Variants in GRM7 observed in about 807,000 individuals in gnomAD.
GRM7 encodes the protein metabotropic glutamate receptor 7.
In GRM7, 35 loss-of-function variants were observed where a neutral mutation model predicts 84.5. The observed-to-expected ratio is 0.41, with a 90% CI of 0.32 to 0.55. GRM7 has a LOEUF of 0.55. Among genes scored for constraint, GRM7 ranks in the 20% least tolerant of loss-of-function variants. GRM7 has a pLI of 0.19. For synonymous variants in GRM7, 487 were observed against 455.1 expected (o/e 1.07, Z -0.89); for missense variants, 1,003 against 1,194.6 (o/e 0.84, Z 2.36).
At chr3:6,957,533 G>A (rs918732308) in intron 1 of GRM7, among the ~76,000 whole-genome samples, 1 of 152,198 alleles carries the variant, frequency 6.6e-6, no homozygotes, top group African/African-American at 2.4e-5. Flanking sequence ...ATTTTAAACT[G>A]TATTTCACCT....
intron 1 of GRM7, among the ~76,000 whole-genome samples, chr3:6,948,344 T>C (rs1446997367): frequency 3.9e-5 from 6 of 152,266 alleles, no homozygotes; most frequent in Non-Finnish European, 8.8e-5. Flanking sequence ...GGTTGTTCAG[T>C]TCCCATGTAG....
At chr3:7,316,262 G>A (rs1233768848) in intron 4 of GRM7, among the ~76,000 whole-genome samples, 1 of 152,088 alleles carries the variant, frequency 6.6e-6, no homozygotes, top group Non-Finnish European at 1.5e-5. Context: ...CTTTGCTATT[G>A]ATTACGAGTA....
At chr3:7,698,132 T>C (rs1701088935) in intron 9 of GRM7, among the ~76,000 whole-genome samples, 1 of 152,194 alleles carries the variant, frequency 6.6e-6, no homozygotes, top group Non-Finnish European at 1.5e-5. Context: ...TGCCAGGCAT[T>C]ATACATTGAC....
intron 8 of GRM7, among the ~76,000 whole-genome samples, chr3:7,670,572 C>CTATT (rs1323522202): frequency 1.3e-5 from 2 of 152,126 alleles, no homozygotes; most frequent in African/African-American, 2.4e-5. Flanking sequence ...TGCTTTTTAA[C>CTATT]TATTTATTTG....
At chr3:7,160,846 C>G (rs1818033) in intron 2 of GRM7, among the ~76,000 whole-genome samples, 46,478 of 151,850 alleles carry the variant, frequency 0.31, 7,322 homozygotes, top group Middle Eastern at 0.44. Context: ...TTGTAATGCT[C>G]AGCATCCGTA....
chr3:7,423,169 A>G (rs545638748), intron 5 of GRM7, among the ~76,000 whole-genome samples: 2 of 152,170 alleles, frequency 1.3e-5, no homozygotes, highest in Non-Finnish European at 2.9e-5. Flanking sequence ...TTTTCCTACC[A>G]TACAGCACTT....
intron 4 of GRM7, among the ~76,000 whole-genome samples, chr3:7,407,526 A>G (rs114915895): frequency 2.0e-5 from 3 of 152,306 alleles, no homozygotes; most frequent in African/African-American, 7.2e-5. Flanking sequence ...CATTTACTGA[A>G]CCATTTTAAA....
intron 2 of GRM7, among the ~76,000 whole-genome samples, chr3:7,295,799 T>C (rs940269563): frequency 2.7e-5 from 4 of 150,382 alleles, no homozygotes; most frequent in Admixed American, 2.6e-4. Flanking sequence ...AGGCACTTAT[T>C]CTAGGAGATT....
chr3:7,126,447 A>G (rs771481026), intron 1 of GRM7, among the ~76,000 whole-genome samples: 4 of 152,182 alleles, frequency 2.6e-5, no homozygotes, highest in Non-Finnish European at 4.4e-5. Flanking sequence ...AACCCTAGTC[A>G]CATATGACAT....
At chr3:7,398,619 T>C (rs547768321) in intron 4 of GRM7, among the ~76,000 whole-genome samples, 1 of 152,080 alleles carries the variant, frequency 6.6e-6, no homozygotes, top group Non-Finnish European at 1.5e-5. Context: ...GGTGGGTTTT[T>C]TGTGTGTATA....
chr3:7,356,055 C>T (rs1031128253), intron 4 of GRM7, among the ~76,000 whole-genome samples: 1 of 152,106 alleles, frequency 6.6e-6, no homozygotes, highest in African/African-American at 2.4e-5. Context: ...TCAGCCAGTG[C>T]ACCTGGTTGT....
chr3:7,504,323 G>A (rs80139775), intron 7 of GRM7, among the ~76,000 whole-genome samples: 1,928 of 152,250 alleles, frequency 0.013, 21 homozygotes, highest in Middle Eastern at 0.027. Context: ...CCTCTAGGTA[G>A]CATATTCATG....
At chr3:7,023,998 C>G (rs945832773) in intron 1 of GRM7, among the ~76,000 whole-genome samples, 6 of 152,162 alleles carry the variant, frequency 3.9e-5, no homozygotes, top group African/African-American at 1.4e-4. Context: ...CAGGCAGGCT[C>G]TGAAATCTTA....
chr3:7,720,664 G>C (rs1414942889), intron 9 of GRM7, among the ~76,000 whole-genome samples: 1 of 152,206 alleles, frequency 6.6e-6, no homozygotes, highest in Non-Finnish European at 1.5e-5. Context: ...AAGCTGGGGA[G>C]ATAGAATTTC....
At chr3:6,941,855 G>A (rs1697905796) in intron 1 of GRM7, among the ~76,000 whole-genome samples, 1 of 152,000 alleles carries the variant, frequency 6.6e-6, no homozygotes, top group African/African-American at 2.4e-5. Context: ...CCTTTACTTT[G>A]GAGGCCCTGT....
intron 1 of GRM7, among the ~76,000 whole-genome samples, chr3:7,062,999 G>T (rs903103955): frequency 6.6e-6 from 1 of 151,662 alleles, no homozygotes; most frequent in Non-Finnish European, 1.5e-5. Flanking sequence ...AGGGAGCTTT[G>T]GTAGAAACCA....
At chr3:7,143,289 A>G (rs1694008253) in intron 1 of GRM7, among the ~76,000 whole-genome samples, 1 of 152,296 alleles carries the variant, frequency 6.6e-6, no homozygotes, top group Non-Finnish European at 1.5e-5. Flanking sequence ...AGCCAGGACA[A>G]TAAGCAACAT....
In GRM7 at chr3:7,105,440, T is replaced by C. The variant is rs571971445; in HGVS notation, c.520-41012T>C. ...TTTAAGTCTCTCCTATAGAAGTTTT[T>C]GTTTAAGCAGTGTTAGATCTTCATG... On this transcript the variant is annotated intron_variant, in intron 1 of 9. Coordinates refer to ENST00000357716, the MANE Select transcript of GRM7 (RefSeq NM_000844.4). Among the ~76,000 whole-genome samples the C allele has an allele frequency of 2.5e-4, 38 of 152,068 alleles. 3 individuals carry two copies. The South Asian group carries it at 6.6e-3, about 27-fold the overall frequency.
chr3:7,084,964 GC>G, intron 1 of GRM7, among the ~76,000 whole-genome samples: 1 of 152,094 alleles, frequency 6.6e-6, no homozygotes. Flanking sequence ...ATTTTAATGA[GC>G]CCAGAAATTA....
Sources: allele counts gnomAD v4.1 joint callset (sites outside exome capture counted in the v4.1 genomes callset), GRCh38; gene constraint gnomAD v4.1.1; transcripts MANE v1.5; gene names NCBI Gene and HGNC (gene_info 2026-07-23, HGNC 2026-07-21).